Variants in RALYL observed in about 807,000 individuals in gnomAD.
RALYL encodes the protein RALY RNA binding protein like.
RALYL carries 29 observed loss-of-function variants against 35.1 expected under a neutral mutation model. The ratio of observed to expected loss-of-function variants is 0.83; its 90% CI spans 0.61 to 1.13. The LOEUF (loss-of-function observed/expected upper bound fraction) is 1.13. RALYL is among the 50% of genes most tolerant of loss of function. The probability of loss-of-function intolerance (pLI) is 0.00; values close to 1 mark genes in which losing one functional copy is unlikely to be tolerated. For missense variants in RALYL, 359 were observed against 360.4 expected (o/e 1.00, Z 0.03); for synonymous variants, 120 against 127.6 (o/e 0.94, Z 0.40).
intron 2 of RALYL, among the ~76,000 whole-genome samples, chr8:84,767,262 C>T (rs535988713): frequency 5.3e-5 from 8 of 152,226 alleles, no homozygotes; most frequent in East Asian, 1.9e-4. Flanking sequence ...TGACTTTTTT[C>T]AGTTCCATAA....
chr8:84,733,094 A>C (rs1035075326), intron 2 of RALYL, among the ~76,000 whole-genome samples: 1 of 152,216 alleles, frequency 6.6e-6, no homozygotes, highest in East Asian at 1.9e-4. Context: ...GTGACCGATA[A>C]AAGTGGAAAA....
intron 2 of RALYL, among the ~76,000 whole-genome samples, chr8:84,576,117 A>G (rs1334042150): frequency 6.6e-6 from 1 of 152,220 alleles, no homozygotes; most frequent in Non-Finnish European, 1.5e-5. Flanking sequence ...CCACAAAATA[A>G]AGAATAATCA....
intron 1 of RALYL, among the ~76,000 whole-genome samples, chr8:84,499,154 T>A (rs1341719815): frequency 6.6e-6 from 1 of 151,974 alleles, no homozygotes; most frequent in Non-Finnish European, 1.5e-5. Context: ...ATGGATACAC[T>A]GTGTAATGTT....
chr8:84,708,399 G>A (rs1206337556), intron 2 of RALYL, among the ~76,000 whole-genome samples: 1 of 152,084 alleles, frequency 6.6e-6, no homozygotes, highest in Non-Finnish European at 1.5e-5. Flanking sequence ...TAGTACAATT[G>A]CTAGGTAAAA....
chr8:84,315,184 A>T (rs942982048), intron 1 of RALYL, among the ~76,000 whole-genome samples: 25 of 152,212 alleles, frequency 1.6e-4, no homozygotes, highest in African/African-American at 5.8e-4. Context: ...CAACCCATAT[A>T]CACAATCCAT....
At chr8:84,208,867 C>A (rs1288146368) in intron 1 of RALYL, among the ~76,000 whole-genome samples, 1 of 151,848 alleles carries the variant, frequency 6.6e-6, no homozygotes, top group African/African-American at 2.4e-5. Context: ...TAAGAGACTT[C>A]TTTAACTCAG....
Position 84,920,874 on chromosome 8 carries a change from A to T in RALYL, c.859-20A>T, listed in dbSNP as rs759227364. Reference sequence around the variant, plus strand: ...AAAACACAAATCTCTGTATTTTAAAATTTTTTTTTATTTTCTCAGTTTCTA... The same window carrying T: ...AAAACACAAATCTCTGTATTTTAAATTTTTTTTTTATTTTCTCAGTTTCTA... On this transcript the variant is annotated intron_variant, in intron 8 of 8. Coordinates refer to ENST00000521268, the MANE Select transcript of RALYL (RefSeq NM_173848.7). 317 of 1,253,392 alleles carry T rather than the reference A, an allele frequency of 2.5e-4. No individual in the cohort carries two copies. Among genetic ancestry groups the T allele is most frequent in the Middle Eastern group, 8.0e-4 (4 of 5,020 alleles). The allele number at this position is 1,253,392 out of a possible 1,614,324, so 77.6% of individuals were successfully genotyped here.
chr8:84,243,618 G>A (rs938796086), intron 1 of RALYL, among the ~76,000 whole-genome samples: 2 of 150,032 alleles, frequency 1.3e-5, no homozygotes. Context: ...TAGATGAGAA[G>A]AAACAGCAGA....
chr8:84,815,982 C>T (rs183313158), intron 4 of RALYL, among the ~76,000 whole-genome samples: 3 of 144,218 alleles, frequency 2.1e-5, no homozygotes. Context: ...TGCAGTGAGC[C>T]GGGATCATGC....
chr8:84,820,307 T>G (rs961241619), intron 4 of RALYL, among the ~76,000 whole-genome samples: 1 of 152,218 alleles, frequency 6.6e-6, no homozygotes, highest in Non-Finnish European at 1.5e-5. Context: ...CAAGTCTAAA[T>G]TAGCCAAACT....
chr8:84,234,868 G>T (rs1279978637), intron 1 of RALYL, among the ~76,000 whole-genome samples: 1 of 151,674 alleles, frequency 6.6e-6, no homozygotes, highest in Non-Finnish European at 1.5e-5. Context: ...AGGTTCAAGT[G>T]ATTCTCCTGC....
chr8:84,389,491 C>T (rs1860095591), intron 1 of RALYL, among the ~76,000 whole-genome samples: 1 of 151,568 alleles, frequency 6.6e-6, no homozygotes, highest in Non-Finnish European at 1.5e-5. Context: ...AATGTTCTTC[C>T]ATTTGTTTGT....
intron 1 of RALYL, among the ~76,000 whole-genome samples, chr8:84,495,551 A>T (rs1292664200): frequency 6.6e-6 from 1 of 152,084 alleles, no homozygotes; most frequent in African/African-American, 2.4e-5. Flanking sequence ...AGATTTCATA[A>T]TTTTTCACAT....
intron 1 of RALYL, among the ~76,000 whole-genome samples, chr8:84,327,773 A>T (rs543241870): frequency 4.0e-5 from 6 of 151,580 alleles, no homozygotes; most frequent in South Asian, 2.1e-4. Context: ...GAGTTCTTTT[A>T]AAAAAGTGTG....
chr8:84,409,850 T>C (rs2043928251), intron 1 of RALYL, among the ~76,000 whole-genome samples: 1 of 151,994 alleles, frequency 6.6e-6, no homozygotes, highest in African/African-American at 2.4e-5. Flanking sequence ...TGCATGAAGT[T>C]TTAAAGTAAT....
At chr8:84,884,915 A>G (rs960236980) in intron 7 of RALYL, among the ~76,000 whole-genome samples, 7 of 152,092 alleles carry the variant, frequency 4.6e-5, no homozygotes, top group Non-Finnish European at 8.8e-5. Flanking sequence ...AGCGGTTTAG[A>G]TGATGTGTAC....
At chr8:84,233,984 C>T (rs1825927809) in intron 1 of RALYL, among the ~76,000 whole-genome samples, 1 of 152,136 alleles carries the variant, frequency 6.6e-6, no homozygotes, top group South Asian at 2.1e-4. Flanking sequence ...TTTTCAGTCT[C>T]ATTTGTCTGT....
intron 2 of RALYL, among the ~76,000 whole-genome samples, chr8:84,672,347 T>C (rs1344171775): frequency 6.6e-6 from 1 of 152,196 alleles, no homozygotes; most frequent in Non-Finnish European, 1.5e-5. Context: ...CTTTCCCACA[T>C]CTTGTCTTAT....
rs756316174 is a variant in RALYL, at chr8:84,862,296, G to T, written c.414G>T (p.Arg138=). The T allele has an allele frequency of 3.2e-6, 5 of 1,548,608 alleles. No individual in the cohort carries two copies. The highest frequency in any genetic ancestry group is 2.8e-5 in the African/African-American group (2 of 71,698). ...YDYYRDDFYN[R]LFDYHGRVPP... Reference sequence around the variant, plus strand: ...TCAGTCCCATTTGTGTTTTGTAAAGGTTATTTGATTACCACGGGCGTGTGC... The same window carrying T: ...TCAGTCCCATTTGTGTTTTGTAAAGTTTATTTGATTACCACGGGCGTGTGC... The change falls in exon 6 of 9, where the codon CGG becomes CGT. Residue 138 remains arginine, a splice_region_variant and synonymous_variant. Coordinates refer to ENST00000521268, the MANE Select transcript of RALYL (RefSeq NM_173848.7).
Sources: allele counts gnomAD v4.1 joint callset (sites outside exome capture counted in the v4.1 genomes callset), GRCh38; gene constraint gnomAD v4.1.1; transcripts MANE v1.5; gene names NCBI Gene and HGNC (gene_info 2026-07-23, HGNC 2026-07-21).